The following EFCAB12 variants were observed in gnomAD, a reference collection of about 807,000 sequenced individuals.
EFCAB12 encodes the protein EF-hand calcium-binding domain-containing protein 12.
A neutral mutation model predicts 53.6 loss-of-function variants in EFCAB12; 43 were observed. The observed-to-expected ratio is 0.80, with a 90% CI of 0.63 to 1.03. EFCAB12 has a LOEUF of 1.03. EFCAB12 is among the 50% of genes least tolerant of loss of function. The pLI is 0.00. For synonymous variants in EFCAB12, 269 were observed against 289.2 expected (o/e 0.93, Z 0.71); for missense variants, 646 against 730.6 (o/e 0.88, Z 1.34).
intron 6 of EFCAB12, among the ~76,000 whole-genome samples, chr3:129,406,513 G>C (rs1391145212): frequency 6.6e-6 from 1 of 152,130 alleles, no homozygotes; most frequent in Non-Finnish European, 1.5e-5. Flanking sequence ...GAGAGACAGA[G>C]AGCGAGAGAG....
rs1337818207 is a variant in EFCAB12 at position 129,408,782 on chromosome 3, C to A, written c.1112G>T (p.Cys371Phe). 1 of 1,577,304 alleles carries A rather than the reference C, an allele frequency of 6.3e-7. No individual in the cohort carries two copies. The highest frequency in any genetic ancestry group is 1.3e-5 in the African/African-American group (1 of 74,182). The change falls in exon 6 of 9, where the codon TGC (cysteine) becomes TTC (phenylalanine). Residue 371 changes from cysteine (C) to phenylalanine (F), a missense_variant. Cys to Phe is a radical substitution (Grantham distance 205). Coordinates refer to ENST00000505956, the MANE Select transcript of EFCAB12 (RefSeq NM_207307.3). Reference protein sequence around the residue: ...RCGNRHFDEHCLPSTIHGDMR... With the variant: ...RCGNRHFDEHFLPSTIHGDMR... ...ATCCCCGTGGATGGTGGACGGGAGGCAGTGCTCATCAAAGTGCCGATTCCC... is the reference window on the plus strand; with the variant it reads ...ATCCCCGTGGATGGTGGACGGGAGGAAGTGCTCATCAAAGTGCCGATTCCC...
chr3:129,408,953 C>G, intron 5 of EFCAB12, 95 bp from the exon 6 acceptor site: 1 of 1,379,984 alleles, frequency 7.2e-7, no homozygotes, highest in Non-Finnish European at 1.0e-6. Context: ...CGACCTCTCC[C>G]CTGCGAGGTC....
chr3:129,401,896 C>A, intron 8 of EFCAB12, 45 bp from the exon 9 acceptor site: 1 of 1,589,262 alleles, frequency 6.3e-7, no homozygotes, highest in Non-Finnish European at 8.6e-7. Flanking sequence ...GGCAGACAGG[C>A]CAGAGCTGAG....
At chr3:129,403,042 A>G (rs1577034212) in intron 7 of EFCAB12, 1 of 161,920 alleles carries the variant, frequency 6.2e-6, no homozygotes, top group Non-Finnish European at 1.4e-5. Context: ...CGTTCACGGC[A>G]CTCTTTCCCA....
At chr3:129,416,649 C>A (rs768210502) in intron 3 of EFCAB12, among the ~76,000 whole-genome samples, 11 of 152,080 alleles carry the variant, frequency 7.2e-5, no homozygotes, top group Non-Finnish European at 1.5e-4. Flanking sequence ...TATTTGTTGT[C>A]GTTGTTTGGG....
intron 3 of EFCAB12, 72 bp from the exon 4 acceptor site, chr3:129,415,473 C>A (rs932572530): frequency 1.3e-6 from 2 of 1,575,074 alleles, no homozygotes. Flanking sequence ...CAAGGCCTTA[C>A]CAGCCTCCTC....
chr3:129,418,379 CA>C lies in EFCAB12; in HGVS notation c.555del (p.Ala186ProfsTer40). On this transcript the variant is annotated frameshift_variant, in exon 3 of 9. Coordinates refer to ENST00000505956, the MANE Select transcript of EFCAB12 (RefSeq NM_207307.3). LOFTEE classifies it high-confidence loss of function. ...AGGTAGGAGTACATGACCGACAGGG[CA>C]GGGGGCTCGGGCAGCTGGAGCTGGG... ...MVPQLQLPEP[P>X]ALSVMYSYLH... is the part of the protein sequence containing the mutation. The C allele has an allele frequency of 2.5e-6, 4 of 1,613,538 alleles. No individual in the cohort carries two copies. The highest frequency in any genetic ancestry group is 2.2e-5 in the South Asian group (2 of 90,986).
intron 6 of EFCAB12, among the ~76,000 whole-genome samples, chr3:129,406,819 A>G (rs9827862): frequency 0.063 from 9,450 of 150,352 alleles, 922 homozygotes; most frequent in East Asian, 0.44. Flanking sequence ...TGACCGTTGG[A>G]GGGGGGAGAT....
In EFCAB12 at chr3:129,421,501, A is replaced by G. The variant is rs1180852563; in HGVS notation, c.352T>C (p.Ser118Pro). 4 of 1,613,706 alleles carry G rather than the reference A, an allele frequency of 2.5e-6. No individual in the cohort carries two copies. The highest frequency in any genetic ancestry group is 3.4e-6 in the Non-Finnish European group (4 of 1,179,850). The change falls in exon 2 of 9, where the codon TCC (serine) becomes CCC (proline). Residue 118 changes from serine to proline, a missense_variant. Coordinates refer to ENST00000505956, the MANE Select transcript of EFCAB12 (RefSeq NM_207307.3). ...QRSKLRQELE[S>P]FGDVKRWLEN... ...AGCCACCTCTTTACATCACCAAAGG[A>G]CTCTAGCTCCTGCCGCAGCTTCGAC...
At chr3:129,402,823 C>T (rs1476918777) in intron 7 of EFCAB12, 3 of 498,712 alleles carry the variant, frequency 6.0e-6, no homozygotes, top group East Asian at 7.4e-5. Flanking sequence ...GGGCAAGTCA[C>T]TTCCCCTTTC....
intron 4 of EFCAB12, chr3:129,413,614 T>C (rs1204835757): frequency 6.6e-6 from 1 of 152,244 alleles, no homozygotes; most frequent in African/African-American, 2.4e-5. Context: ...AAGCCTCTGA[T>C]AAACTCTTCC....
intron 3 of EFCAB12, among the ~76,000 whole-genome samples, chr3:129,415,631 C>T (rs932544133): frequency 5.3e-5 from 8 of 152,188 alleles, no homozygotes; most frequent in African/African-American, 1.7e-4. Flanking sequence ...CCTTCTCTGC[C>T]TGAAAAACTC....
At chr3:129,406,058 A>C (rs1201585086) in intron 6 of EFCAB12, among the ~76,000 whole-genome samples, 1 of 152,016 alleles carries the variant, frequency 6.6e-6, no homozygotes, top group Non-Finnish European at 1.5e-5. Context: ...TAAAAAAAAA[A>C]AAAAAGTGGC....
At chr3:129,418,526 G>A in intron 2 of EFCAB12, 78 bp from the exon 3 acceptor site, 2 of 1,334,132 alleles carry the variant, frequency 1.5e-6, no homozygotes, top group Non-Finnish European at 2.0e-6. Context: ...CCAGAGTTAG[G>A]GACTAAGGAG....
rs774566857 is a variant in EFCAB12 at position 129,418,452 on chromosome 3, G to A, written c.487-4C>T. On this transcript the variant is annotated splice_region_variant and splice_polypyrimidine_tract_variant and intron_variant, in intron 2 of 8. Transcript: ENST00000505956. ...GGGAGAGCCTGGGGGCTTTCTTCTG[G>A]AAGAGGTGAGAGGGTAGGGCAGAGG... 6.3e-7 allele frequency: 1 copy of A among 1,598,410 alleles called. No homozygotes were observed. Among genetic ancestry groups the A allele is most frequent in the Non-Finnish European group, 8.5e-7 (1 of 1,172,346 alleles).
At chr3:129,417,502 G>A (rs973762240) in intron 3 of EFCAB12, among the ~76,000 whole-genome samples, 8 of 152,146 alleles carry the variant, frequency 5.3e-5, no homozygotes, top group Admixed American at 5.2e-4. Flanking sequence ...ATGAATGAGT[G>A]TGGCTGTGTT....
rs1364879677 is a variant in EFCAB12 at position 129,418,291 on chromosome 3, C to T, written c.644G>A (p.Arg215Lys). Residue 215 changes from arginine to lysine, a missense_variant, in exon 3 of 9, where the codon AGA becomes AAA. Arg to Lys is a conservative substitution (Grantham distance 26). Transcript: ENST00000505956. ...FHKVGQGENQRITREEFIAAV... is the reference protein window; with the variant it reads ...FHKVGQGENQKITREEFIAAV... ...CGCGATGAACTCCTCCCTGGTGATT[C>T]TCTGGTTCTCACCCTGGCCCACCTT... The T allele has an allele frequency of 2.7e-5, 44 of 1,612,906 alleles. No individual in the cohort carries two copies. The highest frequency in any genetic ancestry group is 3.4e-5 in the Non-Finnish European group (40 of 1,179,310).
chr3:129,417,129 A>C (rs2072124765), intron 3 of EFCAB12, among the ~76,000 whole-genome samples: 1 of 152,048 alleles, frequency 6.6e-6, no homozygotes, highest in Non-Finnish European at 1.5e-5. Flanking sequence ...GATCAAGACC[A>C]TCCTGGCCAA....
At chr3:129,417,339 AC>A (rs1210415995) in intron 3 of EFCAB12, among the ~76,000 whole-genome samples, 9,282 of 112,478 alleles carry the variant, frequency 0.083, 844 homozygotes, top group African/African-American at 0.21. Flanking sequence ...AAAAAAAAAA[AC>A]CAAAAAAAAA....
Sources: gnomAD v4.1 joint callset for allele counts (sites outside exome capture counted in the v4.1 genomes callset) on GRCh38, gnomAD v4.1.1 for gene constraint, MANE v1.5 for transcripts, NCBI Gene and HGNC (gene_info 2026-07-23, HGNC 2026-07-21) for gene names.